FBXL5: variants seen among roughly 807,000 people sequenced by gnomAD.
FBXL5 encodes F-box and leucine rich repeat protein 5.
FBXL5 carries 26 observed loss-of-function variants against 78.3 expected under a neutral mutation model. The ratio of observed to expected loss-of-function variants is 0.33; its 90% confidence interval spans 0.24 to 0.46. The LOEUF (loss-of-function observed/expected upper bound fraction) is 0.46. FBXL5 is among the 20% of genes least tolerant of loss of function. The pLI is 1.00. For synonymous variants in FBXL5, 295 were observed against 282.5 expected, an observed-to-expected ratio of 1.04 and a Z score of -0.45; for missense variants, 710 against 829.2, an observed-to-expected ratio of 0.86 and a Z score of 1.77.
At chr4:15,611,479 A>G (rs1488441348) in intron 10 of FBXL5, among the ~76,000 whole-genome samples, 1 of 152,062 alleles carries the variant, frequency 6.6e-6, no homozygotes, top group Non-Finnish European at 1.5e-5. Flanking sequence ...CCAGTTATAA[A>G]TACAGGAGGT....
chr4:15,634,709 G>A (rs1260221994), intron 5 of FBXL5, among the ~76,000 whole-genome samples: 1 of 151,902 alleles, frequency 6.6e-6, no homozygotes, highest in Non-Finnish European at 1.5e-5. Context: ...TCTGTATGTT[G>A]CCCAGGCTTA....
intron 10 of FBXL5, 33 bp downstream of exon 10, chr4:15,612,233 C>A: frequency 6.9e-7 from 1 of 1,442,222 alleles, no homozygotes; most frequent in Non-Finnish European, 9.1e-7. Context: ...AAATTAATTC[C>A]TTCAAAATTA....
chr4:15,627,733 T>G (rs1041773799), intron 7 of FBXL5, 152 bp downstream of exon 7: 2 of 598,338 alleles, frequency 3.3e-6, no homozygotes, highest in Non-Finnish European at 5.7e-6. Context: ...AATGAAATAA[T>G]AAGTAACCTA....
Position 15,638,705 on chromosome 4 carries a change from C to G in FBXL5, c.397-11G>C. 6.6e-7 allele frequency: 1 copy of G among 1,520,910 alleles called. No homozygotes were observed. Among genetic ancestry groups the G allele is most frequent in the Non-Finnish European group, 8.9e-7 (1 of 1,119,792 alleles). 94.2% of individuals were successfully genotyped at this position (1,520,910 alleles called of 1,614,324 possible). On this transcript the variant is annotated splice_polypyrimidine_tract_variant and intron_variant, in intron 3 of 10. Coordinates refer to ENST00000341285, the MANE Select transcript of FBXL5 (RefSeq NM_012161.4). ...CATGGGCTGAAAAACCTAAATTAAA[C>G]AAAATATTCACGAGGAAAGATGCTT...
chr4:15,604,564 A>G lies in FBXL5; in HGVS notation c.*1159T>C, dbSNP rs1223047958. ...TGAAAGGAGAAGTTTTATTGGAAACATGGCACCAATAGACTGGCTCAACGC... is the reference window on the plus strand; with the variant it reads ...TGAAAGGAGAAGTTTTATTGGAAACGTGGCACCAATAGACTGGCTCAACGC... On this transcript the variant is annotated 3_prime_UTR_variant, in exon 11 of 11. Transcript: ENST00000341285. The G allele has an allele frequency of 2.0e-5, 3 of 152,250 alleles. No homozygotes were observed. Among genetic ancestry groups the G allele is most frequent in the African/African-American group, 7.2e-5 (3 of 41,462 alleles). The allele number at this position is 152,250 out of a possible 1,614,324, so 9.4% of individuals were successfully genotyped here. A position where few individuals can be genotyped will look rare whatever the true frequency, so the allele number is the denominator to read the frequency against.
intron 3 of FBXL5, 47 bp from the exon 4 acceptor site, chr4:15,638,741 G>T: frequency 8.3e-7 from 1 of 1,201,148 alleles, no homozygotes; most frequent in East Asian, 2.4e-5. Flanking sequence ...CATTCGTGTT[G>T]ATTTACTCTA....
At chr4:15,629,838 G>A (rs1317445242) in intron 6 of FBXL5, among the ~76,000 whole-genome samples, 2 of 151,758 alleles carry the variant, frequency 1.3e-5, no homozygotes, top group Admixed American at 6.6e-5. Context: ...TAATTCTTTC[G>A]CCAGACCAAA....
intron 1 of FBXL5, among the ~76,000 whole-genome samples, chr4:15,665,344 T>C (rs1017233974): frequency 6.6e-6 from 1 of 152,160 alleles, no homozygotes; most frequent in Non-Finnish European, 1.5e-5. Flanking sequence ...AAGGCAAACT[T>C]GAGGTACAGC....
chr4:15,644,764 A>G (rs1715203522), intron 1 of FBXL5, 56 bp from the exon 2 acceptor site: 4 of 1,289,608 alleles, frequency 3.1e-6, no homozygotes, highest in South Asian at 2.6e-5. Flanking sequence ...ATGCACAAAT[A>G]AAAAATATTC....
chr4:15,630,634 T>C (rs577953503), intron 6 of FBXL5, 32 bp downstream of exon 6: 41 of 1,506,324 alleles, frequency 2.7e-5, no homozygotes, highest in Middle Eastern at 1.8e-4. Flanking sequence ...ATTAAAACAC[T>C]ATGTAATAAT....
At chr4:15,615,641 G>A (rs28882719) in intron 9 of FBXL5, among the ~76,000 whole-genome samples, 12 of 142,918 alleles carry the variant, frequency 8.4e-5, no homozygotes, top group East Asian at 2.1e-4. Context: ...TGCACCAATC[G>A]ACACTCTGTA....
chr4:15,621,289 C>CA (rs1712455094), intron 9 of FBXL5, among the ~76,000 whole-genome samples: 1 of 152,136 alleles, frequency 6.6e-6, no homozygotes, highest in Admixed American at 6.5e-5. Flanking sequence ...ATGCAAAACT[C>CA]AGTTATACTT....
chr4:15,614,186 A>G (rs1711546382), intron 9 of FBXL5, among the ~76,000 whole-genome samples: 1 of 152,212 alleles, frequency 6.6e-6, no homozygotes, highest in Non-Finnish European at 1.5e-5. Context: ...CCTGAGAGCC[A>G]AACTGCTGTA....
In FBXL5 at chr4:15,625,961, A is replaced by T; in HGVS notation, c.1141T>A (p.Cys381Ser). Residue 381 changes from cysteine (C) to serine (S), a missense_variant, in exon 9 of 11, where the codon TGC becomes AGC. Transcript: ENST00000341285. ...TCAAGATGCCGAAGACTCTGGCAGCAACCAAGCCAAGACCAACTATAATTA... is the reference window on the plus strand; with the variant it reads ...TCAAGATGCCGAAGACTCTGGCAGCTACCAAGCCAAGACCAACTATAATTA... ...SAFDSWSWLG[C>S]CQSLRHLDLS... is the part of the protein sequence containing the mutation. 4.4e-6 allele frequency: 7 copies of T among 1,583,338 alleles called. No individual in the cohort carries two copies. The highest frequency in any genetic ancestry group is 6.0e-6 in the Non-Finnish European group (7 of 1,169,454).
In FBXL5 at chr4:15,630,784, C is replaced by A; in HGVS notation, c.774G>T (p.Trp258Cys). The A allele has an allele frequency of 6.2e-7, 1 of 1,612,958 alleles. No homozygotes were observed. The highest frequency in any genetic ancestry group is 8.5e-7 in the Non-Finnish European group (1 of 1,179,588). ...LYPVHWARGD[W>C]YSGPATELDT... ...CAAGTTCAGTTGCGGGACCACTATA[C>A]CAGTCACCTACTCAATGAATAAACA... The change falls in exon 6 of 11, where the codon TGG becomes TGT. Residue 258 changes from tryptophan to cysteine, a missense_variant. Physicochemically the swap from Trp to Cys is radical, Grantham distance 215 (BLOSUM62 -2). Coordinates refer to ENST00000341285, the MANE Select transcript of FBXL5 (RefSeq NM_012161.4).
rs545746047 is a variant in FBXL5, at chr4:15,639,273, G to GA, written c.397-580dup. Among the ~76,000 whole-genome samples the GA allele has an allele frequency of 3.7e-3, 568 of 152,314 alleles. 4 individuals are homozygous for GA. The highest frequency in any genetic ancestry group is 0.013 in the African/African-American group (537 of 41,562). On this transcript the variant is annotated intron_variant, in intron 3 of 10. Transcript: ENST00000341285. ...AGGACCAGAAGGCTTTCCCTTTATA[G>GA]AATTTGTCACTCTTAATCATTCTGT... is the stretch of plus-strand genomic sequence containing the variant.
chr4:15,627,314 T>C (rs1220011395), intron 7 of FBXL5, among the ~76,000 whole-genome samples: 1 of 152,022 alleles, frequency 6.6e-6, no homozygotes, highest in Admixed American at 6.5e-5. Flanking sequence ...TTTGCATTTT[T>C]AGTAGAGATG....
Position 15,625,520 on chromosome 4 carries a change from G to C in FBXL5, c.1582C>G (p.Leu528Val), listed in dbSNP as rs1029697020. The part of the protein sequence containing the change: ...SGCFSKDIVG[L>V]RTSVCWQQHC... ...TGCTGCCAACAGACACTAGTCCTTA[G>C]TCCAACAATGTCCTTACTAAAACAA... The change falls in exon 9 of 11, where the codon CTA becomes GTA. Residue 528 changes from leucine to valine, a missense_variant. Coordinates refer to ENST00000341285, the MANE Select transcript of FBXL5 (RefSeq NM_012161.4). 6.2e-7 allele frequency: 1 copy of C among 1,614,102 alleles called. No homozygotes were observed.
intron 9 of FBXL5, among the ~76,000 whole-genome samples, chr4:15,614,935 G>A (rs893267962): frequency 3.3e-5 from 5 of 152,146 alleles, no homozygotes; most frequent in Admixed American, 6.5e-5. Flanking sequence ...AGTGGGAACC[G>A]GGGCTGCGTG....
Sources: gnomAD v4.1 joint callset for allele counts (sites outside exome capture counted in the v4.1 genomes callset) on GRCh38, gnomAD v4.1.1 for gene constraint, MANE v1.5 for transcripts, NCBI Gene and HGNC (gene_info 2026-07-23, HGNC 2026-07-21) for gene names.